The following XRRA1 variants were observed in gnomAD, a reference collection of about 807,000 sequenced individuals.
XRRA1 encodes the protein X-ray radiation resistance-associated protein 1.
A neutral mutation model predicts 80.2 loss-of-function variants in XRRA1; 69 were observed. That is an observed-to-expected ratio of 0.86 (90% CI 0.71 to 1.05). The LOEUF (loss-of-function observed/expected upper bound fraction) is 1.05, where lower values mean the gene tolerates loss of function less well. Ranked by LOEUF, XRRA1 falls within the 50% of genes least tolerant of loss-of-function variation. XRRA1 has a pLI of 0.00. For missense variants in XRRA1, 967 were observed against 976.4 expected, an observed-to-expected ratio of 0.99 and a Z score of 0.13; for synonymous variants, 348 against 389.9, an observed-to-expected ratio of 0.89 and a Z score of 1.27.
chr11:74,872,330 G>A (rs1470395811), intron 10 of XRRA1, among the ~76,000 whole-genome samples: 1 of 152,112 alleles, frequency 6.6e-6, no homozygotes, highest in Admixed American at 6.6e-5. Context: ...TATTATACTG[G>A]CAGCTCCCAA....
intron 14 of XRRA1, among the ~76,000 whole-genome samples, chr11:74,849,165 C>T (rs2039128269): frequency 6.6e-6 from 1 of 152,126 alleles, no homozygotes; most frequent in Admixed American, 6.5e-5. Context: ...GGATTGTTTT[C>T]ACTCTTTGTC....
At chr11:74,939,506 A>G (rs1259831968) in intron 3 of XRRA1, among the ~76,000 whole-genome samples, 1 of 152,190 alleles carries the variant, frequency 6.6e-6, no homozygotes, top group Non-Finnish European at 1.5e-5. Context: ...GGTGATTGGG[A>G]GCACCTTCAA....
intron 7 of XRRA1, among the ~76,000 whole-genome samples, chr11:74,924,079 C>T (rs932494475): frequency 9.9e-5 from 15 of 151,832 alleles, no homozygotes; most frequent in Non-Finnish European, 2.1e-4. Flanking sequence ...TGGGCTCAAG[C>T]GATCCTCCCA....
intron 7 of XRRA1, among the ~76,000 whole-genome samples, chr11:74,926,845 A>G (rs1469718710): frequency 2.6e-5 from 4 of 151,906 alleles, no homozygotes; most frequent in Admixed American, 6.6e-5. Flanking sequence ...GCTGATCCCA[A>G]AGGATCCCTA....
intron 15 of XRRA1, chr11:74,846,116 C>G (rs1266350739): frequency 6.6e-6 from 1 of 152,142 alleles, no homozygotes; most frequent in African/African-American, 2.4e-5. Flanking sequence ...GAAAATGGAG[C>G]AGGTCAAAAC....
At chr11:74,903,816 A>G (rs2054036732) in intron 10 of XRRA1, among the ~76,000 whole-genome samples, 3 of 152,242 alleles carry the variant, frequency 2.0e-5, no homozygotes, top group Admixed American at 2.0e-4. Flanking sequence ...AGACCATATT[A>G]CCATTATGTA....
At chr11:74,869,653 G>A (rs1477560737) in intron 10 of XRRA1, among the ~76,000 whole-genome samples, 3 of 152,096 alleles carry the variant, frequency 2.0e-5, no homozygotes, top group African/African-American at 7.2e-5. Context: ...TAGTATGGGG[G>A]CGACCATTTT....
intron 8 of XRRA1, among the ~76,000 whole-genome samples, chr11:74,907,596 C>G (rs1294885663): frequency 6.6e-6 from 1 of 152,130 alleles, no homozygotes; most frequent in African/African-American, 2.4e-5. Flanking sequence ...CATGACCAAG[C>G]TGGAGGGAGC....
chr11:74,881,117 C>G (rs1309619229), intron 10 of XRRA1, among the ~76,000 whole-genome samples: 1 of 146,230 alleles, frequency 6.8e-6, no homozygotes, highest in African/African-American at 2.5e-5. Flanking sequence ...GTAGGTCACT[C>G]AGGACTTGCT....
intron 8 of XRRA1, among the ~76,000 whole-genome samples, chr11:74,916,894 TTTTC>T (rs1419554252): frequency 1.3e-5 from 2 of 152,232 alleles, no homozygotes; most frequent in East Asian, 3.8e-4. Context: ...TTCTCAGGTC[TTTTC>T]TAAGCCTGTG....
At chr11:74,947,222 G>C (rs1947760421) in intron 1 of XRRA1, among the ~76,000 whole-genome samples, 1 of 152,080 alleles carries the variant, frequency 6.6e-6, no homozygotes, top group South Asian at 2.1e-4. Context: ...CATTAAAGCT[G>C]GATCTTGAAA....
In XRRA1 at chr11:74,843,964, CAGAAGGTCATGGA is replaced by C; in HGVS notation, c.2044-18_2044-6del. On this transcript the variant is annotated splice_polypyrimidine_tract_variant and splice_region_variant and intron_variant, in intron 17 of 18. Coordinates refer to ENST00000684022, the MANE Select transcript of XRRA1 (RefSeq NM_001378157.1). ...TGGAATCGGGATTCTCTGGGCCTGG[CAGAAGGTCATGGA>C]GGAGGGTGTTATCCCAGGTTTATGC... The C allele has an allele frequency of 6.2e-7, 1 of 1,611,864 alleles. No homozygotes were observed. Among genetic ancestry groups the C allele is most frequent in the Non-Finnish European group, 8.5e-7 (1 of 1,178,512 alleles).
At chr11:74,902,997 A>T (rs1490092262) in intron 10 of XRRA1, among the ~76,000 whole-genome samples, 1 of 152,024 alleles carries the variant, frequency 6.6e-6, no homozygotes, top group Non-Finnish European at 1.5e-5. Context: ...CAAAAATTAT[A>T]AATTAAAAAG....
At chr11:74,930,171 C>T in intron 6 of XRRA1, 129 bp downstream of exon 6, 1 of 785,736 alleles carries the variant, frequency 1.3e-6, no homozygotes, top group East Asian at 2.7e-5. Flanking sequence ...CTCCAGCACC[C>T]AGCCTATTGT....
At position 74,907,178 on chromosome 11, in the gene XRRA1, G is replaced by A. The variant is rs533441391; in HGVS notation, c.752C>T (p.Pro251Leu). The A allele has an allele frequency of 6.2e-7, 1 of 1,613,926 alleles. No homozygotes were observed. Among genetic ancestry groups the A allele is most frequent in the East Asian group, 2.2e-5 (1 of 44,884 alleles). ...CCCAGCCAGGCTGGCAAAGCAACTG[G>A]GGTTGGAGAGTCTGTTGTCATCCAG... is the stretch of plus-strand genomic sequence containing the variant. ...LMLDDNRLSN[P>L]SCFASLAGLR... Residue 251 changes from proline (P) to leucine (L), a missense_variant, in exon 9 of 19, where the codon CCC (proline) becomes CTC (leucine). Physicochemically the swap from Pro to Leu is moderately conservative, Grantham distance 98. Coordinates refer to ENST00000684022, the MANE Select transcript of XRRA1 (RefSeq NM_001378157.1).
At chr11:74,887,487 C>G (rs1486077472) in intron 10 of XRRA1, among the ~76,000 whole-genome samples, 1 of 152,192 alleles carries the variant, frequency 6.6e-6, no homozygotes, top group Non-Finnish European at 1.5e-5. Context: ...CTACAGCTCC[C>G]AGCATGAGCG....
intron 8 of XRRA1, chr11:74,919,706 G>T: frequency 1.9e-6 from 1 of 512,824 alleles, no homozygotes; most frequent in Non-Finnish European, 3.8e-6. Flanking sequence ...GCTTCAAGAA[G>T]CATGCCCCTT....
intron 10 of XRRA1, among the ~76,000 whole-genome samples, chr11:74,884,533 GCCT>G (rs1286774478): frequency 6.6e-6 from 1 of 152,126 alleles, no homozygotes; most frequent in African/African-American, 2.4e-5. Flanking sequence ...ATCAGAAACT[GCCT>G]CCTCACCAGG....
chr11:74,862,191 T>C (rs1176903564), intron 11 of XRRA1, among the ~76,000 whole-genome samples: 1 of 152,222 alleles, frequency 6.6e-6, no homozygotes, highest in East Asian at 1.9e-4. Flanking sequence ...GCTGTGTACC[T>C]GAGCCCAGCC....
Sources: gnomAD v4.1 joint callset for allele counts (sites outside exome capture counted in the v4.1 genomes callset) on GRCh38, gnomAD v4.1.1 for gene constraint, MANE v1.5 for transcripts, NCBI Gene and HGNC (gene_info 2026-07-23, HGNC 2026-07-21) for gene names.